ZNF521: variants seen among roughly 807,000 people sequenced by gnomAD.
ZNF521 encodes zinc finger protein 521, also known as LYST-interacting protein 3.
In ZNF521, 14 loss-of-function variants were observed where a neutral mutation model predicts 105.5. That is an observed-to-expected ratio of 0.13 (90% CI 0.09 to 0.21). The LOEUF (loss-of-function observed/expected upper bound fraction) is 0.21, where lower values mean the gene tolerates loss of function less well. Ranked by LOEUF, ZNF521 falls within the 10% of genes least tolerant of loss-of-function variation. ZNF521 has a pLI of 1.00. For missense variants in ZNF521, 1,233 were observed against 1,629.7 expected (o/e 0.76, Z 4.19); for synonymous variants, 635 against 606.0 (o/e 1.05, Z -0.70).
chr18:25,069,889 T>C (rs941930451), intron 7 of ZNF521, among the ~76,000 whole-genome samples: 6 of 152,210 alleles, frequency 3.9e-5, no homozygotes, highest in African/African-American at 1.2e-4. Context: ...TTTAATGCCA[T>C]GAATGTTGCA....
rs539477706 is a variant in ZNF521, at chr18:25,335,984, G to A, written c.41-13797C>T. Among the ~76,000 whole-genome samples, 4 of 152,226 alleles carry A rather than the reference G, an allele frequency of 2.6e-5. No homozygotes were observed. The South Asian group carries it at 8.3e-4, about 32-fold the overall frequency. On this transcript the variant is annotated intron_variant, in intron 2 of 7. Coordinates refer to ENST00000361524, the MANE Select transcript of ZNF521 (RefSeq NM_015461.3). ...AGATTGAACAAGCAAGGGAAGTTAA[G>A]GGGAAATTAAAACAACCTGAACAGT... is the stretch of plus-strand genomic sequence containing the variant.
intron 2 of ZNF521, among the ~76,000 whole-genome samples, chr18:25,338,413 AT>A (rs200363160): frequency 1.2e-4 from 18 of 149,364 alleles, no homozygotes; most frequent in East Asian, 3.9e-4. Context: ...GTTTTTCTAC[AT>A]TTTTTTTTTA....
intron 2 of ZNF521, among the ~76,000 whole-genome samples, chr18:25,338,170 T>C (rs1231674107): frequency 6.6e-6 from 1 of 151,410 alleles, no homozygotes; most frequent in Non-Finnish European, 1.5e-5. Context: ...TAATCGGCCG[T>C]CCAGAGTACC....
At chr18:25,175,280 G>A (rs1335005262) in intron 5 of ZNF521, among the ~76,000 whole-genome samples, 1 of 152,186 alleles carries the variant, frequency 6.6e-6, no homozygotes, top group African/African-American at 2.4e-5. Flanking sequence ...AACCTCACTG[G>A]AATCCATGGG....
chr18:25,221,643 T>C (rs551596652), intron 4 of ZNF521, among the ~76,000 whole-genome samples: 61 of 152,334 alleles, frequency 4.0e-4, no homozygotes, highest in Middle Eastern at 3.4e-3. Flanking sequence ...TCTAAGTCAA[T>C]AGACATATAT....
chr18:25,151,260 A>G (rs1442183956), intron 5 of ZNF521, among the ~76,000 whole-genome samples: 1 of 152,060 alleles, frequency 6.6e-6, no homozygotes, highest in Non-Finnish European at 1.5e-5. Flanking sequence ...TCTGATTCAT[A>G]TCCTTCTTCC....
At position 25,352,148 on chromosome 18, in the gene ZNF521, T is replaced by C; in HGVS notation, c.-145A>G. 2.5e-6 allele frequency: 1 copy of C among 397,590 alleles called. No homozygotes were observed. Among genetic ancestry groups the C allele is most frequent in the South Asian group, 1.9e-5 (1 of 53,320 alleles). The allele number at this position is 397,590 out of a possible 1,614,324, so 24.6% of individuals were successfully genotyped here. The stretch of plus-strand genomic sequence containing the variant: ...GCTCTGTACGTAATCACTGAGGAAA[T>C]CATTGTCAGCCTGCCTGCACTCACA... On this transcript the variant is annotated 5_prime_UTR_variant, in exon 1 of 8. Transcript: ENST00000361524.
chr18:25,113,545 G>T (rs552277139), intron 5 of ZNF521, among the ~76,000 whole-genome samples: 41 of 151,746 alleles, frequency 2.7e-4, no homozygotes, highest in Non-Finnish European at 5.7e-4. Context: ...TAGGTTTTTG[G>T]TGATTTACTA....
intron 3 of ZNF521, among the ~76,000 whole-genome samples, chr18:25,296,697 A>C (rs148911920): frequency 2.4e-4 from 36 of 152,302 alleles, no homozygotes; most frequent in Middle Eastern, 6.8e-3. Flanking sequence ...GTCAAGTTCA[A>C]GTCTTCCTTG....
intron 5 of ZNF521, among the ~76,000 whole-genome samples, chr18:25,119,445 T>A (rs184951046): frequency 6.6e-6 from 1 of 152,272 alleles, no homozygotes; most frequent in East Asian, 1.9e-4. Context: ...ATAAATTTAA[T>A]AGAATTAAAA....
intron 2 of ZNF521, among the ~76,000 whole-genome samples, chr18:25,340,628 A>C (rs1444753547): frequency 6.6e-6 from 1 of 152,216 alleles, no homozygotes; most frequent in African/African-American, 2.4e-5. Context: ...TCTCAACATA[A>C]GAATTCTAGG....
chr18:25,270,292 C>A (rs1317113177), intron 3 of ZNF521, among the ~76,000 whole-genome samples: 2 of 152,056 alleles, frequency 1.3e-5, no homozygotes, highest in Non-Finnish European at 2.9e-5. Context: ...TAATAGCCTA[C>A]CAACCAAAAA....
intron 3 of ZNF521, among the ~76,000 whole-genome samples, chr18:25,275,745 C>T (rs941358779): frequency 6.6e-6 from 1 of 152,150 alleles, no homozygotes; most frequent in Non-Finnish European, 1.5e-5. Flanking sequence ...GGAAACAGGT[C>T]ACAGGGCTAG....
chr18:25,092,788 GA>G (rs1319765783), intron 5 of ZNF521, among the ~76,000 whole-genome samples: 3 of 152,212 alleles, frequency 2.0e-5, no homozygotes, highest in African/African-American at 7.2e-5. Flanking sequence ...TCTTAAGAAT[GA>G]GGGGGCAGAA....
At chr18:25,220,067 G>A (rs1005659310) in intron 4 of ZNF521, among the ~76,000 whole-genome samples, 6 of 152,114 alleles carry the variant, frequency 3.9e-5, no homozygotes, top group African/African-American at 1.4e-4. Flanking sequence ...GCCCCATGGA[G>A]GGGATATGCA....
chr18:25,310,274 C>T (rs1912224463), intron 3 of ZNF521, among the ~76,000 whole-genome samples: 2 of 152,060 alleles, frequency 1.3e-5, no homozygotes, highest in South Asian at 4.1e-4. Flanking sequence ...GCCTACTATA[C>T]ACATACTAAT....
chr18:25,264,948 G>T (rs985776649), intron 3 of ZNF521, among the ~76,000 whole-genome samples: 3 of 152,150 alleles, frequency 2.0e-5, no homozygotes, highest in East Asian at 3.9e-4. Flanking sequence ...GAAAAAGTCT[G>T]CAGGAAAATA....
chr18:25,125,302 C>A (rs2034518164), intron 5 of ZNF521, among the ~76,000 whole-genome samples: 1 of 151,996 alleles, frequency 6.6e-6, no homozygotes, highest in Admixed American at 6.6e-5. Context: ...GAAATGAGGT[C>A]TTTGATTCAA....
intron 3 of ZNF521, among the ~76,000 whole-genome samples, chr18:25,277,415 C>CA (rs899940642): frequency 2.6e-5 from 4 of 151,398 alleles, no homozygotes; most frequent in African/African-American, 4.8e-5. Flanking sequence ...GCTTAGGGCA[C>CA]AAAAAAATAA....
Sources: gnomAD v4.1 joint callset for allele counts (sites outside exome capture counted in the v4.1 genomes callset) on GRCh38, gnomAD v4.1.1 for gene constraint, MANE v1.5 for transcripts, NCBI Gene and HGNC (gene_info 2026-07-23, HGNC 2026-07-21) for gene names.